The following LRPPRC variants were observed in gnomAD, a reference collection of about 807,000 sequenced individuals.
The protein encoded by LRPPRC is leucine rich pentatricopeptide repeat containing, also known as leucine-rich PPR motif-containing protein, mitochondrial.
In LRPPRC, 120 loss-of-function variants were observed where a neutral mutation model predicts 180.3. The observed-to-expected ratio is 0.67, with a 90% CI of 0.57 to 0.77. LRPPRC has a LOEUF of 0.77. Ranked by LOEUF, LRPPRC falls within the 30% of genes least tolerant of loss-of-function variation. The probability of loss-of-function intolerance (pLI) is 0.00; values close to 1 mark genes in which losing one functional copy is unlikely to be tolerated. For missense variants in LRPPRC, 2,012 were observed against 1,657.2 expected, an observed-to-expected ratio of 1.21 and a Z score of -3.72; for synonymous variants, 723 against 600.0, an observed-to-expected ratio of 1.21 and a Z score of -3.00.
chr2:43,943,012 A>T (rs1572948915), intron 23 of LRPPRC, among the ~76,000 whole-genome samples: 2 of 152,128 alleles, frequency 1.3e-5, no homozygotes, highest in South Asian at 2.1e-4. Flanking sequence ...CTGACAAAGA[A>T]GATCTAGGAA....
At chr2:43,958,662 T>G (rs1443022234) in intron 13 of LRPPRC, among the ~76,000 whole-genome samples, 1 of 152,204 alleles carries the variant, frequency 6.6e-6, no homozygotes, top group East Asian at 1.9e-4. Flanking sequence ...TCAAATTAGT[T>G]TTCCATGCCT....
At chr2:43,996,051 C>G (rs1410141582), upstream of LRPPRC, 5 of 1,205,734 alleles carry the variant, frequency 4.1e-6, no homozygotes, top group South Asian at 4.1e-5. Context: ...GCCGGGCGTG[C>G]CAAATGTGGG....
intron 12 of LRPPRC, 46 bp downstream of exon 12, chr2:43,963,542 A>C: frequency 8.9e-7 from 1 of 1,128,180 alleles, no homozygotes; most frequent in Non-Finnish European, 1.4e-6. Context: ...TTAAGGAGGA[A>C]AGATATCCTC....
rs771912771 is a variant in LRPPRC, at chr2:43,943,835, C to T, written c.2356G>A (p.Ala786Thr). 4.3e-6 allele frequency: 7 copies of T among 1,613,330 alleles called. No individual in the cohort carries two copies. The East Asian group carries it at 1.3e-4, about 31-fold the overall frequency. The change falls in exon 23 of 38, where the codon GCC becomes ACC. Residue 786 changes from alanine to threonine, a missense_variant. Physicochemically the swap from Ala to Thr is moderately conservative, Grantham distance 58 (BLOSUM62 0). Transcript: ENST00000260665. ...TTTAGCATGTGGAAAAAGGACAAGG[C>T]TGTTGTATCTTTGATAAGAACATCC... Reference protein sequence around the residue: ...EKDVLIKDTTALSFFHMLNGA... With the variant: ...EKDVLIKDTTTLSFFHMLNGA...
chr2:43,946,241 A>G lies in LRPPRC; in HGVS notation c.2082T>C (p.Asn694=). The part of the protein sequence containing the change: ...QLILVLCSEE[N]MQKALELKAK... ...CTTTCAATTCAAGGGCTTTTTGCAT[A>G]TTCTAAAATACAGCATAGATGTGAA... The change falls in exon 21 of 38, where the codon AAT becomes AAC. Residue 694 remains asparagine (N), a splice_region_variant and synonymous_variant. Coordinates refer to ENST00000260665, the MANE Select transcript of LRPPRC (RefSeq NM_133259.4). 1 of 1,609,856 alleles carries G rather than the reference A, an allele frequency of 6.2e-7. No individual in the cohort carries two copies. The highest frequency in any genetic ancestry group is 8.5e-7 in the Non-Finnish European group (1 of 1,176,500).
At chr2:43,922,868 A>G (rs1040272407) in intron 27 of LRPPRC, among the ~76,000 whole-genome samples, 2 of 152,230 alleles carry the variant, frequency 1.3e-5, no homozygotes, top group Admixed American at 6.5e-5. Context: ...GGAAAGGATT[A>G]GGGCTATCAT....
In LRPPRC at chr2:43,925,882, C is replaced by T; in HGVS notation, c.2805+11G>A. Reference sequence around the variant, plus strand: ...TTTTAGGTGATTGAGACATCTGAATCAAATACAAACCTGATTATTTGCAAC... The same window carrying T: ...TTTTAGGTGATTGAGACATCTGAATTAAATACAAACCTGATTATTTGCAAC... On this transcript the variant is annotated intron_variant, in intron 26 of 37. Coordinates refer to ENST00000260665, the MANE Select transcript of LRPPRC (RefSeq NM_133259.4). 1 of 1,598,666 alleles carries T rather than the reference C, an allele frequency of 6.3e-7. No individual in the cohort carries two copies. Among genetic ancestry groups the T allele is most frequent in the Non-Finnish European group, 8.6e-7 (1 of 1,165,954 alleles).
chr2:43,935,930 A>G (rs1572940626), intron 23 of LRPPRC, among the ~76,000 whole-genome samples: 1 of 152,162 alleles, frequency 6.6e-6, no homozygotes, highest in African/African-American at 2.4e-5. Context: ...TTAAAAATAT[A>G]AAATTAGCCG....
chr2:43,984,317 T>C (rs901004986), intron 1 of LRPPRC, among the ~76,000 whole-genome samples: 1 of 152,104 alleles, frequency 6.6e-6, no homozygotes, highest in Non-Finnish European at 1.5e-5. Context: ...ACAATGCAAA[T>C]CTGATAAACT....
intron 36 of LRPPRC, among the ~76,000 whole-genome samples, chr2:43,891,240 A>G (rs1670482391): frequency 1.3e-5 from 2 of 152,100 alleles, no homozygotes; most frequent in South Asian, 4.2e-4. Flanking sequence ...TTACTTCTTG[A>G]TTTTCTACCT....
At chr2:43,928,066 T>G (rs1671953090) in intron 25 of LRPPRC, among the ~76,000 whole-genome samples, 2 of 152,242 alleles carry the variant, frequency 1.3e-5, no homozygotes. Flanking sequence ...TAGTTCTTTC[T>G]GTGTTGCCAC....
At chr2:43,981,465 C>A (rs936408347) in intron 2 of LRPPRC, among the ~76,000 whole-genome samples, 1 of 152,108 alleles carries the variant, frequency 6.6e-6, no homozygotes, top group African/African-American at 2.4e-5. Context: ...TCGAGACCAG[C>A]CTGGCCAACA....
intron 37 of LRPPRC, 59 bp downstream of exon 37, chr2:43,889,675 T>G: frequency 3.9e-6 from 5 of 1,286,440 alleles, no homozygotes; most frequent in Non-Finnish European, 5.7e-6. Flanking sequence ...TTACACATTG[T>G]TATGAAGTGC....
chr2:43,918,112 G>A lies in LRPPRC; in HGVS notation c.3061C>T (p.His1021Tyr). 2 of 1,613,688 alleles carry A rather than the reference G, an allele frequency of 1.2e-6. No homozygotes were observed. Among genetic ancestry groups the A allele is most frequent in the Non-Finnish European group, 1.7e-6 (2 of 1,179,746 alleles). Residue 1021 changes from histidine to tyrosine, a missense_variant, in exon 29 of 38, where the codon CAT (histidine) becomes TAT (tyrosine). Transcript: ENST00000260665. ...VPELWYEDEK[H>Y]SLNSSSASTT... The stretch of plus-strand genomic sequence containing the variant: ...GAGGCTGACGAAGAATTCAGGGAAT[G>A]TTTTTCATCTTCATACCACAACTTT...
intron 11 of LRPPRC, among the ~76,000 whole-genome samples, chr2:43,967,740 C>T (rs17031783): frequency 0.2 from 30,493 of 152,026 alleles, 3,747 homozygotes; most frequent in African/African-American, 0.33. Flanking sequence ...AAAGCATGTG[C>T]TTACTGAAAT....
At chr2:43,909,933 C>T (rs1323200031) in intron 30 of LRPPRC, among the ~76,000 whole-genome samples, 1 of 152,086 alleles carries the variant, frequency 6.6e-6, no homozygotes, top group Non-Finnish European at 1.5e-5. Context: ...GATCAAGATC[C>T]ATGGGAGGAT....
chr2:43,927,523 T>C (rs1671927260), intron 25 of LRPPRC, among the ~76,000 whole-genome samples: 1 of 152,222 alleles, frequency 6.6e-6, no homozygotes, highest in African/African-American at 2.4e-5. Context: ...CTCAAGGATT[T>C]TTCTTACGTT....
At position 43,943,717 on chromosome 2, in the gene LRPPRC, CTT is replaced by C; in HGVS notation, c.2472_2473del (p.Ile824MetfsTer19). 1 of 1,613,320 alleles carries C rather than the reference CTT, an allele frequency of 6.2e-7. No homozygotes were observed. Among genetic ancestry groups the C allele is most frequent in the Non-Finnish European group, 8.5e-7 (1 of 1,179,374 alleles). On this transcript the variant is annotated frameshift_variant, in exon 23 of 38. Coordinates refer to ENST00000260665, the MANE Select transcript of LRPPRC (RefSeq NM_133259.4). LOFTEE classifies it high-confidence loss of function. ...CAAGTGTACAGTGACCAATGGGAAACTTATGTTGGTGGATGGTTCTGCTAACC... is the reference window on the plus strand; with the variant it reads ...CAAGTGTACAGTGACCAATGGGAAACATGTTGGTGGATGGTTCTGCTAACC...
chr2:43,987,773 A>G (rs1674593664), intron 1 of LRPPRC, among the ~76,000 whole-genome samples: 1 of 152,106 alleles, frequency 6.6e-6, no homozygotes, highest in Non-Finnish European at 1.5e-5. Context: ...TCTTTTTTCA[A>G]AAATCCTATC....
Sources: allele counts gnomAD v4.1 joint callset (sites outside exome capture counted in the v4.1 genomes callset), GRCh38; gene constraint gnomAD v4.1.1; transcripts MANE v1.5; gene names NCBI Gene and HGNC (gene_info 2026-07-23, HGNC 2026-07-21).